The following XKR4 variants were observed in gnomAD, a reference collection of about 807,000 sequenced individuals.
XKR4 encodes XK-related protein 4.
A neutral mutation model predicts 53.9 loss-of-function variants in XKR4; 12 were observed. The ratio of observed to expected loss-of-function variants is 0.22; its 90% CI spans 0.14 to 0.36. The LOEUF (loss-of-function observed/expected upper bound fraction) is 0.36, where lower values mean the gene tolerates loss of function less well. Ranked by LOEUF, XKR4 falls within the 10% of genes least tolerant of loss-of-function variation. The pLI, the probability that XKR4 is intolerant of heterozygous loss-of-function variation, is 1.00. For missense variants in XKR4, 799 were observed against 859.5 expected, an observed-to-expected ratio of 0.93 and a Z score of 0.88; for synonymous variants, 354 against 362.4, an observed-to-expected ratio of 0.98 and a Z score of 0.26.
Position 55,535,063 on chromosome 8 carries a change from T to C in XKR4, c.*10836T>C, listed in dbSNP as rs1807011664. The C allele has an allele frequency of 6.6e-6, 1 of 152,196 alleles. No individual in the cohort carries two copies. Among genetic ancestry groups the C allele is most frequent in the Non-Finnish European group, 1.5e-5 (1 of 68,034 alleles). The allele number at this position is 152,196 out of a possible 1,614,324, so 9.4% of individuals were successfully genotyped here. ...CCCAAAGCTATCACCTTGGTAGTTA[T>C]CACCAAGATGTATAATAGCAAGCAC... On this transcript the variant is annotated 3_prime_UTR_variant, in exon 3 of 3. Transcript: ENST00000327381.
intron 2 of XKR4, among the ~76,000 whole-genome samples, chr8:55,493,420 C>T (rs1806298848): frequency 6.6e-6 from 1 of 152,218 alleles, no homozygotes; most frequent in South Asian, 2.1e-4. Context: ...TCACCTGCCT[C>T]TGCCATAAGC....
intron 1 of XKR4, among the ~76,000 whole-genome samples, chr8:55,213,043 T>C (rs1268783008): frequency 6.6e-6 from 1 of 152,220 alleles, no homozygotes; most frequent in Non-Finnish European, 1.5e-5. Context: ...ATCAGGACAC[T>C]CGTAAGTCTG....
chr8:55,283,509 A>G (rs1818868072), intron 1 of XKR4, among the ~76,000 whole-genome samples: 1 of 152,178 alleles, frequency 6.6e-6, no homozygotes, highest in Non-Finnish European at 1.5e-5. Context: ...ATAAACTGTA[A>G]AGTAGTAGCC....
At chr8:55,369,387 GA>G (rs1327857930) in intron 2 of XKR4, among the ~76,000 whole-genome samples, 6 of 81,930 alleles carry the variant, frequency 7.3e-5, no homozygotes, top group African/African-American at 2.3e-4. Flanking sequence ...GAGGGGAGGG[GA>G]GGGGAGGGGA....
At chr8:55,228,874 C>T (rs983642999) in intron 1 of XKR4, among the ~76,000 whole-genome samples, 1 of 151,558 alleles carries the variant, frequency 6.6e-6, no homozygotes, top group East Asian at 1.9e-4. Flanking sequence ...CACACACATT[C>T]TCTCTTCTAT....
intron 1 of XKR4, chr8:55,164,524 A>G: frequency 2.3e-6 from 1 of 441,818 alleles, no homozygotes. Context: ...TACTCAGAAA[A>G]TGTTTAGGAA....
At chr8:55,239,207 C>G (rs1002114913) in intron 1 of XKR4, among the ~76,000 whole-genome samples, 1 of 152,182 alleles carries the variant, frequency 6.6e-6, no homozygotes, top group Non-Finnish European at 1.5e-5. Context: ...CTGGAAAACA[C>G]TATTAGCTTC....
intron 1 of XKR4, among the ~76,000 whole-genome samples, chr8:55,280,899 G>A (rs1818837062): frequency 6.6e-6 from 1 of 152,118 alleles, no homozygotes; most frequent in African/African-American, 2.4e-5. Context: ...TCCACTTCCT[G>A]TTAAACAACA....
chr8:55,305,243 AC>A (rs1819278350), intron 1 of XKR4, among the ~76,000 whole-genome samples: 1 of 152,204 alleles, frequency 6.6e-6, no homozygotes, highest in African/African-American at 2.4e-5. Flanking sequence ...GGATGTGGCT[AC>A]TATATTGGGC....
chr8:55,115,226 A>C (rs2129351385), intron 1 of XKR4, among the ~76,000 whole-genome samples: 1 of 152,346 alleles, frequency 6.6e-6, no homozygotes, highest in Non-Finnish European at 1.5e-5. Flanking sequence ...TCAAATGGTC[A>C]GAAAGGCTAA....
At chr8:55,446,749 A>C (rs752712341) in intron 2 of XKR4, among the ~76,000 whole-genome samples, 3 of 152,198 alleles carry the variant, frequency 2.0e-5, no homozygotes, top group Non-Finnish European at 4.4e-5. Context: ...CCATCAGACA[A>C]ATACCTACAC....
At chr8:55,450,284 A>T in intron 2 of XKR4, 1 of 702,078 alleles carries the variant, frequency 1.4e-6, no homozygotes, top group South Asian at 1.7e-5. Context: ...GCCAGTTCCC[A>T]GTCATAGGGA....
chr8:55,251,146 G>A (rs1187128639), intron 1 of XKR4, among the ~76,000 whole-genome samples: 2 of 151,716 alleles, frequency 1.3e-5, no homozygotes, highest in African/African-American at 4.8e-5. Context: ...ATAGGTGTAT[G>A]TGTAGGTATA....
At chr8:55,489,531 C>A (rs531987728) in intron 2 of XKR4, among the ~76,000 whole-genome samples, 1 of 151,864 alleles carries the variant, frequency 6.6e-6, no homozygotes, top group Non-Finnish European at 1.5e-5. Context: ...AGTCCTGGCT[C>A]CTCATGTTGT....
intron 2 of XKR4, among the ~76,000 whole-genome samples, chr8:55,396,106 G>C (rs1368072212): frequency 6.6e-6 from 1 of 152,196 alleles, no homozygotes; most frequent in Non-Finnish European, 1.5e-5. Context: ...GGGGGTATTA[G>C]GGTTTTAACA....
rs74686017 is a variant in XKR4 at position 55,382,945 on chromosome 8, C to T, written c.1006+25068C>T. The stretch of plus-strand genomic sequence containing the variant: ...TGTTCAAACTAAAACAGACTGAGGC[C>T]GGGCGTGGTGTAATCCCAGCACTTT... On this transcript the variant is annotated intron_variant, in intron 2 of 2. Coordinates refer to ENST00000327381, the MANE Select transcript of XKR4 (RefSeq NM_052898.2). Among the ~76,000 whole-genome samples the T allele has an allele frequency of 7.6e-3, 1,163 of 152,080 alleles. 15 individuals are homozygous for T. Among genetic ancestry groups the T allele is most frequent in the African/African-American group, 0.026 (1,082 of 41,492 alleles).
intron 1 of XKR4, among the ~76,000 whole-genome samples, chr8:55,202,958 G>A (rs1031282605): frequency 3.3e-5 from 5 of 152,218 alleles, no homozygotes; most frequent in Non-Finnish European, 7.3e-5. Context: ...CAGCTGGAGG[G>A]TTGGTTACAC....
intron 2 of XKR4, among the ~76,000 whole-genome samples, chr8:55,448,530 G>A (rs1311279149): frequency 6.6e-6 from 1 of 152,220 alleles, no homozygotes; most frequent in Non-Finnish European, 1.5e-5. Flanking sequence ...GTTTTAATCA[G>A]TGAGGAAAAT....
At chr8:55,142,189 C>T (rs1816715509) in intron 1 of XKR4, 2 of 456,022 alleles carry the variant, frequency 4.4e-6, no homozygotes, top group Non-Finnish European at 8.8e-6. Context: ...TTTGTCTTCT[C>T]CTGCTGATCT....
Sources: gnomAD v4.1 joint callset for allele counts (sites outside exome capture counted in the v4.1 genomes callset) on GRCh38, gnomAD v4.1.1 for gene constraint, MANE v1.5 for transcripts, NCBI Gene and HGNC (gene_info 2026-07-23, HGNC 2026-07-21) for gene names.